NSDHL: variants seen among roughly 807,000 people sequenced by gnomAD.
The protein encoded by NSDHL is NAD(P) dependent 3-beta-hydroxysteroid dehydrogenase NSDHL, also known as sterol-4-alpha-carboxylate 3-dehydrogenase, decarboxylating.
Under a neutral mutation model 23.0 loss-of-function variants are expected in NSDHL, and 1 was observed. The observed-to-expected ratio is 0.04, with a 90% CI of 0.02 to 0.21. NSDHL has a LOEUF of 0.21. NSDHL is among the 10% of genes least tolerant of loss of function. The probability of loss-of-function intolerance (pLI) is 1.00; values close to 1 mark genes in which losing one functional copy is unlikely to be tolerated. For synonymous variants in NSDHL, 128 were observed against 121.1 expected (o/e 1.06, Z -0.37); for missense variants, 237 against 300.9 (o/e 0.79, Z 1.57).
intron 2 of NSDHL, among the ~76,000 whole-genome samples, chrX:152,846,745 G>A (rs1248601518): frequency 8.9e-6 from 1 of 112,102 alleles, no homozygotes; most frequent in African/African-American, 3.2e-5. Flanking sequence ...GCTCCCAGGT[G>A]GCCTTGCTCA....
intron 1 of NSDHL, among the ~76,000 whole-genome samples, chrX:152,839,282 C>A (rs1243415114): frequency 1.8e-5 from 2 of 112,018 alleles, no homozygotes; most frequent in African/African-American, 3.3e-5. Flanking sequence ...TTAATTGGGG[C>A]ATTTAGCCCA....
chrX:152,847,098 T>C (rs1475584609), intron 2 of NSDHL, among the ~76,000 whole-genome samples: 1 of 111,604 alleles, frequency 9.0e-6, no homozygotes, highest in Non-Finnish European at 1.9e-5. Context: ...AGTCAGGAGT[T>C]TGAGACCAGC....
intron 1 of NSDHL, among the ~76,000 whole-genome samples, chrX:152,836,848 T>A (rs1305224458): frequency 3.6e-5 from 4 of 112,263 alleles, no homozygotes; most frequent in Non-Finnish European, 7.5e-5. Context: ...AGAAAGTCAT[T>A]GGTAGCTTGA....
Position 152,850,437 on chromosome X carries a change from C to T in NSDHL, c.267+14C>T. 8.3e-7 allele frequency: 1 copy of T among 1,207,438 alleles called. No homozygotes were observed. Among genetic ancestry groups the T allele is most frequent in the Admixed American group, 2.2e-5 (1 of 46,096 alleles). On this transcript the variant is annotated intron_variant, in intron 3 of 7. Coordinates refer to ENST00000370274, the MANE Select transcript of NSDHL (RefSeq NM_015922.3). ...TGCAGCCGACAGGTAATGGACCATG[C>T]AGCCTTGCTGATTTCCCACGAGCCC... is the stretch of plus-strand genomic sequence containing the variant.
chrX:152,831,913 G>C (rs782687067), intron 1 of NSDHL, among the ~76,000 whole-genome samples: 1 of 111,635 alleles, frequency 9.0e-6, no homozygotes, highest in African/African-American at 3.3e-5. Context: ...AGGCTTATTA[G>C]AACCTTTTAA....
intron 3 of NSDHL, among the ~76,000 whole-genome samples, chrX:152,853,931 TG>T (rs1933399785): frequency 8.9e-6 from 1 of 112,557 alleles, no homozygotes; most frequent in African/African-American, 3.2e-5. Flanking sequence ...TTATTTGTCC[TG>T]ATTGAAACAT....
rs782687225 is a variant in NSDHL at position 152,868,905 on chromosome X, C to T, written c.911C>T (p.Ala304Val). 12 of 1,211,984 alleles carry T rather than the reference C, an allele frequency of 9.9e-6. No individual in the cohort carries two copies. The highest frequency in any genetic ancestry group is 1.1e-5 in the Non-Finnish European group (10 of 895,431). Reference sequence around the variant, plus strand: ...CCCTACTGGGTGGCCTACTACCTGGCCCTCCTGCTATCCCTGCTGGTGATG... The same window carrying T: ...CCCTACTGGGTGGCCTACTACCTGGTCCTCCTGCTATCCCTGCTGGTGATG... The part of the protein sequence containing the change: ...HIPYWVAYYL[A>V]LLLSLLVMVI... The change falls in exon 8 of 8, where the codon GCC becomes GTC. Residue 304 changes from alanine (A) to valine (V), a missense_variant. Physicochemically the swap from Ala to Val is moderately conservative, Grantham distance 64. Coordinates refer to ENST00000370274, the MANE Select transcript of NSDHL (RefSeq NM_015922.3).
At chrX:152,834,180 C>T (rs1556843761) in intron 1 of NSDHL, among the ~76,000 whole-genome samples, 1 of 112,039 alleles carries the variant, frequency 8.9e-6, no homozygotes, top group African/African-American at 3.2e-5. Context: ...GACTCACCTT[C>T]CCTGGGGAGG....
chrX:152,868,525 A>G lies in NSDHL; in HGVS notation c.790-259A>G, dbSNP rs1419134750. ...ATCCAAAGATATGTAGATGAGTTTT[A>G]TGATGATTAACAATTATCAAATTAA... is the stretch of plus-strand genomic sequence containing the variant. On this transcript the variant is annotated intron_variant, in intron 7 of 7. Coordinates refer to ENST00000370274, the MANE Select transcript of NSDHL (RefSeq NM_015922.3). Among the ~76,000 whole-genome samples, 8 of 112,629 alleles carry G rather than the reference A, an allele frequency of 7.1e-5. No individual in the cohort carries two copies. The Admixed American group carries it at 7.5e-4, about 11-fold the overall frequency.
chrX:152,839,956 C>T (rs1933164115), intron 1 of NSDHL, among the ~76,000 whole-genome samples: 2 of 112,445 alleles, frequency 1.8e-5, no homozygotes, highest in South Asian at 7.3e-4. Flanking sequence ...TAGATTTGGT[C>T]TTTTCACATA....
chrX:152,865,700 C>T, intron 5 of NSDHL, 119 bp from the exon 6 acceptor site: 2 of 922,313 alleles, frequency 2.2e-6, no homozygotes, highest in Non-Finnish European at 3.1e-6. Context: ...GGCCACATGC[C>T]AGCAGAGTGT....
intron 2 of NSDHL, among the ~76,000 whole-genome samples, chrX:152,848,547 C>T (rs1933309369): frequency 1.8e-5 from 2 of 112,698 alleles, no homozygotes; most frequent in African/African-American, 6.4e-5. Flanking sequence ...CAATTAAAAT[C>T]GTGAAATGAA....
In NSDHL at chrX:152,869,253, A is replaced by C; in HGVS notation, c.*137A>C. 1 of 549,308 alleles carries C rather than the reference A, an allele frequency of 1.8e-6. No homozygotes were observed. The highest frequency in any genetic ancestry group is 3.6e-5 in the East Asian group (1 of 27,620). 45.3% of individuals were successfully genotyped at this position (549,308 alleles called of 1,213,427 possible). Reference sequence around the variant, plus strand: ...TTCTGCTAGGCAGAGAGCGCACCCTACTCTTTCCGTGACGATGAGGGCGGC... The same window carrying C: ...TTCTGCTAGGCAGAGAGCGCACCCTCCTCTTTCCGTGACGATGAGGGCGGC... On this transcript the variant is annotated 3_prime_UTR_variant, in exon 8 of 8. Coordinates refer to ENST00000370274, the MANE Select transcript of NSDHL (RefSeq NM_015922.3).
intron 1 of NSDHL, among the ~76,000 whole-genome samples, chrX:152,832,848 A>G (rs915220044): frequency 1.5e-4 from 17 of 111,877 alleles, no homozygotes; most frequent in African/African-American, 5.2e-4. Flanking sequence ...TTATATGTAA[A>G]GTGGCCTGAT....
At chrX:152,866,702 C>T (rs1933611959) in intron 6 of NSDHL, among the ~76,000 whole-genome samples, 1 of 112,334 alleles carries the variant, frequency 8.9e-6, no homozygotes, top group Non-Finnish European at 1.9e-5. Context: ...CTTTCTGTGT[C>T]CAAATTTCCC....
intron 1 of NSDHL, among the ~76,000 whole-genome samples, chrX:152,832,762 C>T (rs1479613864): frequency 1.8e-5 from 2 of 112,309 alleles, no homozygotes; most frequent in Non-Finnish European, 3.8e-5. Context: ...CTCTCTGAGC[C>T]TGTTTCTCAT....
At chrX:152,841,119 A>G (rs143686224) in intron 1 of NSDHL, among the ~76,000 whole-genome samples, 3,030 of 113,105 alleles carry the variant, frequency 0.027, 88 homozygotes, top group African/African-American at 0.092. Flanking sequence ...AGCCAGGCAC[A>G]GGAGAGAATC....
At chrX:152,851,708 G>A (rs1556846326) in intron 3 of NSDHL, among the ~76,000 whole-genome samples, 1 of 110,436 alleles carries the variant, frequency 9.1e-6, no homozygotes. Context: ...CCCTCAGACT[G>A]TACAAACCCC....
At chrX:152,862,493 AG>A (rs1392373569) in intron 4 of NSDHL, 102 bp from the exon 5 acceptor site, 1 of 773,594 alleles carries the variant, frequency 1.3e-6, no homozygotes, top group Non-Finnish European at 2.0e-6. Context: ...CTCGAATGCG[AG>A]GGCAACAAAG....
Sources: gnomAD v4.1 joint callset for allele counts (sites outside exome capture counted in the v4.1 genomes callset) on GRCh38, gnomAD v4.1.1 for gene constraint, MANE v1.5 for transcripts, NCBI Gene and HGNC (gene_info 2026-07-23, HGNC 2026-07-21) for gene names.